The following EPN2 variants were observed in gnomAD, a reference collection of about 807,000 sequenced individuals.
The protein encoded by EPN2 is epsin 2, also known as epsin-2.
Under a neutral mutation model 61.7 loss-of-function variants are expected in EPN2, and 34 were observed. The observed-to-expected ratio is 0.55, with a 90% CI of 0.42 to 0.73. The LOEUF is 0.73. EPN2 is among the 30% of genes least tolerant of loss of function. EPN2 has a pLI of 0.00. For synonymous variants in EPN2, 349 were observed against 353.6 expected (o/e 0.99, Z 0.15); for missense variants, 714 against 839.2 (o/e 0.85, Z 1.84).
chr17:19,260,299 C>G (rs1193478702), intron 1 of EPN2, among the ~76,000 whole-genome samples: 1 of 152,202 alleles, frequency 6.6e-6, no homozygotes, highest in Non-Finnish European at 1.5e-5. Context: ...AGGAAGGAAA[C>G]CCAGACTGAG....
chr17:19,265,775 C>T (rs1325791516), intron 1 of EPN2, among the ~76,000 whole-genome samples: 1 of 152,342 alleles, frequency 6.6e-6, no homozygotes, highest in East Asian at 1.9e-4. Flanking sequence ...CAGGCCTGTC[C>T]TGCCAGCACC....
At chr17:19,302,122 G>T (rs1320654331) in intron 4 of EPN2, among the ~76,000 whole-genome samples, 3 of 152,218 alleles carry the variant, frequency 2.0e-5, no homozygotes, top group Admixed American at 1.3e-4. Context: ...GCCCCAGCTG[G>T]GTGGCCTTGG....
chr17:19,301,252 G>C (rs1905499735), intron 4 of EPN2, among the ~76,000 whole-genome samples: 1 of 151,968 alleles, frequency 6.6e-6, no homozygotes, highest in Non-Finnish European at 1.5e-5. Flanking sequence ...TTGACTCTAG[G>C]GCCCATCTTG....
intron 2 of EPN2, 70 bp downstream of exon 2, chr17:19,282,147 G>A (rs1014139831): frequency 2.0e-5 from 3 of 152,186 alleles, no homozygotes; most frequent in Admixed American, 2.0e-4. Flanking sequence ...TTAATAGATA[G>A]CCAGGGGTCT....
chr17:19,266,441 C>T (rs1317013233), intron 1 of EPN2, among the ~76,000 whole-genome samples: 5 of 149,720 alleles, frequency 3.3e-5, no homozygotes, highest in East Asian at 2.0e-4. Flanking sequence ...CTCGCTCTGT[C>T]GCCCAGGCTG....
chr17:19,329,296 C>T (rs1907049583), intron 8 of EPN2: 1 of 470,682 alleles, frequency 2.1e-6, no homozygotes, highest in Non-Finnish European at 3.8e-6. Context: ...CACCCCTTTG[C>T]CTTTTGGGGT....
intron 10 of EPN2, among the ~76,000 whole-genome samples, chr17:19,333,677 G>A (rs1262338440): frequency 6.6e-6 from 1 of 152,168 alleles, no homozygotes; most frequent in African/African-American, 2.4e-5. Flanking sequence ...AGAGGAGCCA[G>A]GGTGCCCCGA....
intron 7 of EPN2, among the ~76,000 whole-genome samples, chr17:19,319,027 T>C (rs1906521182): frequency 6.6e-6 from 1 of 151,838 alleles, no homozygotes; most frequent in African/African-American, 2.4e-5. Context: ...TGAAACCCCG[T>C]CTCTACTAAA....
At chr17:19,284,672 C>T (rs1305955400) in intron 3 of EPN2, among the ~76,000 whole-genome samples, 2 of 152,220 alleles carry the variant, frequency 1.3e-5, no homozygotes, top group Admixed American at 1.3e-4. Flanking sequence ...TTTGACAGAC[C>T]TCAGTCAACC....
chr17:19,280,751 G>A (rs766142287), intron 1 of EPN2, among the ~76,000 whole-genome samples: 1 of 152,104 alleles, frequency 6.6e-6, no homozygotes, highest in Non-Finnish European at 1.5e-5. Context: ...AGTCAGTTTT[G>A]CAGGACACCA....
At chr17:19,325,894 A>G (rs1024247324) in intron 7 of EPN2, among the ~76,000 whole-genome samples, 41 of 152,222 alleles carry the variant, frequency 2.7e-4, no homozygotes, top group Admixed American at 3.3e-4. Context: ...AATAATTGGA[A>G]TGACTTCTAA....
chr17:19,238,155 C>T (rs2044839670), intron 1 of EPN2, among the ~76,000 whole-genome samples: 1 of 152,236 alleles, frequency 6.6e-6, no homozygotes. Flanking sequence ...GGGACGGGGG[C>T]GGAAGAGCCA....
chr17:19,305,449 T>TG (rs1213693944), intron 4 of EPN2, among the ~76,000 whole-genome samples: 1 of 152,196 alleles, frequency 6.6e-6, no homozygotes, highest in Non-Finnish European at 1.5e-5. Context: ...TTTTTGTACT[T>TG]GCCACTTTCT....
chr17:19,295,366 A>ACACACACG (rs147719775), intron 4 of EPN2, among the ~76,000 whole-genome samples: 2 of 140,318 alleles, frequency 1.4e-5, no homozygotes, highest in South Asian at 2.2e-4. Flanking sequence ...ACACACACAC[A>ACACACACG]CGCGCGTGCG....
chr17:19,335,528 T>C lies in EPN2; in HGVS notation c.*1274T>C. The C allele has an allele frequency of 1.3e-6, 2 of 1,507,354 alleles. No homozygotes were observed. The highest frequency in any genetic ancestry group is 1.2e-5 in the South Asian group (1 of 80,714). 93.4% of individuals were successfully genotyped at this position (1,507,354 alleles called of 1,614,324 possible). On this transcript the variant is annotated 3_prime_UTR_variant, in exon 11 of 11. Coordinates refer to ENST00000314728, the MANE Select transcript of EPN2 (RefSeq NM_014964.5). ...ACGCTCAGGCTAAAGATGGGGATAATGTGGAAATGGCAGTTGTCCCGAGGG... is the reference window on the plus strand; with the variant it reads ...ACGCTCAGGCTAAAGATGGGGATAACGTGGAAATGGCAGTTGTCCCGAGGG...
At chr17:19,251,536 C>T (rs1008609924) in intron 1 of EPN2, among the ~76,000 whole-genome samples, 1 of 152,052 alleles carries the variant, frequency 6.6e-6, no homozygotes, top group African/African-American at 2.4e-5. Context: ...CAGGTTCAAG[C>T]GATCCTCTTG....
In EPN2 at chr17:19,312,120, A is replaced by T; in HGVS notation, c.948A>T (p.Thr316=). The T allele has an allele frequency of 1.9e-6, 3 of 1,614,038 alleles. No individual in the cohort carries two copies. The highest frequency in any genetic ancestry group is 2.5e-6 in the Non-Finnish European group (3 of 1,179,850). The stretch of plus-strand genomic sequence containing the variant: ...CCCTGGAAGAAAGCCGAAGGGACAC[A>T]GTTAAAATTCCAAAAAAGAAAGAGG... ...QMALEESRRD[T]VKIPKKKEHG... Residue 316 remains threonine, a synonymous_variant, in exon 6 of 11, where the codon ACA becomes ACT. Coordinates refer to ENST00000314728, the MANE Select transcript of EPN2 (RefSeq NM_014964.5).
At chr17:19,310,018 T>A (rs1188546154) in intron 5 of EPN2, 21 bp downstream of exon 5, 19 of 1,555,206 alleles carry the variant, frequency 1.2e-5, no homozygotes, top group Non-Finnish European at 1.7e-5. Flanking sequence ...CAGGCAGGTC[T>A]GCACTGCATT....
intron 1 of EPN2, among the ~76,000 whole-genome samples, chr17:19,254,025 A>G (rs1180199297): frequency 9.2e-5 from 14 of 151,960 alleles, no homozygotes; most frequent in Non-Finnish European, 1.8e-4. Context: ...CCAGCTACTC[A>G]GGAGGCTGAG....
Sources: allele counts gnomAD v4.1 joint callset (sites outside exome capture counted in the v4.1 genomes callset), GRCh38; gene constraint gnomAD v4.1.1; transcripts MANE v1.5; gene names NCBI Gene and HGNC (gene_info 2026-07-23, HGNC 2026-07-21).